Variants in CPVL observed in about 807,000 individuals in gnomAD.
CPVL encodes the protein probable serine carboxypeptidase CPVL.
In CPVL, 51 loss-of-function variants were observed where a neutral mutation model predicts 63.7. The observed-to-expected ratio is 0.80, with a 90% CI of 0.64 to 1.01. The LOEUF (loss-of-function observed/expected upper bound fraction) is 1.01, where lower values mean the gene tolerates loss of function less well. Among genes scored for constraint, CPVL ranks in the 50% least tolerant of loss-of-function variants. The pLI, the probability that CPVL is intolerant of heterozygous loss-of-function variation, is 0.00. For missense variants in CPVL, 530 were observed against 573.1 expected (o/e 0.92, Z 0.77); for synonymous variants, 195 against 206.0 (o/e 0.95, Z 0.46).
intron 5 of CPVL, among the ~76,000 whole-genome samples, chr7:29,157,503 G>A (rs567189113): frequency 6.6e-6 from 1 of 152,262 alleles, no homozygotes; most frequent in East Asian, 1.9e-4. Context: ...CTCTTTCATG[G>A]ACCCTTCATT....
chr7:29,067,272 T>C lies in CPVL; in HGVS notation c.865-1151A>G, dbSNP rs187774149. On this transcript the variant is annotated intron_variant, in intron 9 of 12. Coordinates refer to ENST00000265394, the MANE Select transcript of CPVL (RefSeq NM_031311.5). ...AGGATCGTCAATGTGGATCCTGCAGTTACCAGGAATTATGACAAGAATAAT... is the reference window on the plus strand; with the variant it reads ...AGGATCGTCAATGTGGATCCTGCAGCTACCAGGAATTATGACAAGAATAAT... 2.7e-4 allele frequency among the ~76,000 whole-genome samples: 41 copies of C among 152,172 alleles called. No homozygotes were observed. In the Middle Eastern group the frequency reaches 0.014, roughly 50 times the overall value.
intron 3 of CPVL, among the ~76,000 whole-genome samples, chr7:29,104,259 CTTTTTTG>C (rs1245057571): frequency 2.0e-5 from 3 of 152,020 alleles, no homozygotes; most frequent in African/African-American, 7.2e-5. Flanking sequence ...TTTTCAAAAT[CTTTTTTG>C]TTTTTTGTTT....
intron 5 of CPVL, among the ~76,000 whole-genome samples, chr7:29,168,493 T>C (rs998456341): frequency 2.0e-5 from 3 of 152,226 alleles, no homozygotes; most frequent in African/African-American, 7.2e-5. Flanking sequence ...GCATCTGTAA[T>C]CTCTACCCAT....
Position 29,047,569 on chromosome 7 carries a change from G to A in CPVL, c.1137+16492C>T, listed in dbSNP as rs978020819. Among the ~76,000 whole-genome samples, 8 of 152,108 alleles carry A rather than the reference G, an allele frequency of 5.3e-5. 1 individual carries two copies. In the South Asian group the frequency reaches 6.2e-4, roughly 12 times the overall value. On this transcript the variant is annotated intron_variant, in intron 11 of 12. Coordinates refer to ENST00000265394, the MANE Select transcript of CPVL (RefSeq NM_031311.5). ...TGAATGACCAAACCTAAGAATAATC[G>A]GTGTTCCTGAGAAAGTAGACAAATC...
chr7:29,086,860 G>C (rs1785252543), intron 6 of CPVL, among the ~76,000 whole-genome samples: 1 of 152,180 alleles, frequency 6.6e-6, no homozygotes, highest in African/African-American at 2.4e-5. Context: ...ATGTTACGTA[G>C]CAATTCTTGG....
chr7:29,185,306 C>A (rs34337883), intron 3 of CPVL, among the ~76,000 whole-genome samples: 19,518 of 152,164 alleles, frequency 0.13, 1,529 homozygotes, highest in African/African-American at 0.21. Context: ...TGAGAAGTGT[C>A]TTTTAAAGAT....
At chr7:29,119,208 C>T (rs1160199662) in intron 2 of CPVL, among the ~76,000 whole-genome samples, 3 of 152,146 alleles carry the variant, frequency 2.0e-5, no homozygotes, top group Non-Finnish European at 4.4e-5. Flanking sequence ...GATACAGGGC[C>T]GGGGGCAGTG....
At chr7:29,044,651 A>G (rs1789443580) in intron 11 of CPVL, among the ~76,000 whole-genome samples, 1 of 152,200 alleles carries the variant, frequency 6.6e-6, no homozygotes, top group East Asian at 1.9e-4. Flanking sequence ...CCACTACAGC[A>G]TGTGACATTT....
At chr7:29,014,938 C>T (rs1446469833) in intron 12 of CPVL, among the ~76,000 whole-genome samples, 4 of 152,250 alleles carry the variant, frequency 2.6e-5, no homozygotes, top group African/African-American at 4.8e-5. Context: ...GCAGTAATTC[C>T]GAGAAAGGCA....
At chr7:29,109,668 C>A (rs1471674702) in intron 3 of CPVL, among the ~76,000 whole-genome samples, 2 of 152,034 alleles carry the variant, frequency 1.3e-5, no homozygotes, top group African/African-American at 4.8e-5. Context: ...ACCGTTTTTT[C>A]ATCTCTGCCC....
intron 1 of CPVL, among the ~76,000 whole-genome samples, chr7:29,123,612 A>T (rs1584328566): frequency 2.1e-5 from 2 of 94,626 alleles, no homozygotes; most frequent in South Asian, 3.4e-4. Context: ...AAAAAAAAAA[A>T]AAAAAAAAAA....
intron 12 of CPVL, chr7:29,012,053 A>G (rs910962374): frequency 6.6e-6 from 1 of 152,160 alleles, no homozygotes; most frequent in Non-Finnish European, 1.5e-5. Context: ...TTCACTGACA[A>G]CTCCTTGAAT....
intron 5 of CPVL, among the ~76,000 whole-genome samples, chr7:29,162,678 A>T (rs1447200157): frequency 2.0e-5 from 3 of 151,992 alleles, no homozygotes; most frequent in African/African-American, 7.2e-5. Flanking sequence ...AAAAAAAAAA[A>T]AAGAACATTA....
chr7:29,179,673 C>A (rs1420080297), intron 5 of CPVL, among the ~76,000 whole-genome samples: 2 of 152,156 alleles, frequency 1.3e-5, no homozygotes, highest in Admixed American at 6.5e-5. Context: ...AGTAGAGAAA[C>A]CATCAATAAT....
intron 1 of CPVL, among the ~76,000 whole-genome samples, chr7:29,190,311 T>C (rs778599309): frequency 6.6e-6 from 1 of 152,218 alleles, no homozygotes; most frequent in Non-Finnish European, 1.5e-5. Context: ...AGCCCTGCTA[T>C]TCTCCTGTGA....
chr7:29,149,005 A>C (rs1200448246), upstream of CPVL, among the ~76,000 whole-genome samples: 2 of 152,060 alleles, frequency 1.3e-5, no homozygotes, highest in Non-Finnish European at 2.9e-5. Context: ...GGCCACCTGC[A>C]CTCAGGTTGA....
chr7:29,099,109 G>A (rs969470099), intron 3 of CPVL, among the ~76,000 whole-genome samples: 7 of 151,948 alleles, frequency 4.6e-5, no homozygotes, highest in African/African-American at 1.7e-4. Context: ...ATTGAAAAAA[G>A]ATCAATAATA....
At chr7:29,080,552 T>C (rs1007709488) in intron 7 of CPVL, among the ~76,000 whole-genome samples, 3 of 100,884 alleles carry the variant, frequency 3.0e-5, no homozygotes, top group African/African-American at 9.1e-5. Context: ...AGTGACACTT[T>C]GTCTCAAAAA....
chr7:29,020,680 A>C (rs1786870836), intron 12 of CPVL, among the ~76,000 whole-genome samples: 1 of 124,544 alleles, frequency 8.0e-6, no homozygotes, highest in South Asian at 2.5e-4. Context: ...TTAAAAAAAC[A>C]ATAGTCACAC....
Sources: allele counts gnomAD v4.1 joint callset (sites outside exome capture counted in the v4.1 genomes callset), GRCh38; gene constraint gnomAD v4.1.1; transcripts MANE v1.5; gene names NCBI Gene and HGNC (gene_info 2026-07-23, HGNC 2026-07-21).